Variants in VPS35L observed in about 807,000 individuals in gnomAD.
The protein encoded by VPS35L is VPS35 endosomal protein sorting factor like.
VPS35L carries 83 observed loss-of-function variants against 133.0 expected under a neutral mutation model. The ratio of observed to expected loss-of-function variants is 0.62; its 90% confidence interval spans 0.52 to 0.75. The LOEUF (loss-of-function observed/expected upper bound fraction) is 0.75. VPS35L is among the 30% of genes least tolerant of loss of function. The pLI, the probability that VPS35L is intolerant of heterozygous loss-of-function variation, is 0.00. For synonymous variants in VPS35L, 423 were observed against 449.9 expected, an observed-to-expected ratio of 0.94 and a Z score of 0.76; for missense variants, 1,083 against 1,206.8, an observed-to-expected ratio of 0.90 and a Z score of 1.52.
chr16:19,622,284 A>G (rs1746641653), intron 14 of VPS35L, among the ~76,000 whole-genome samples: 1 of 151,730 alleles, frequency 6.6e-6, no homozygotes, highest in African/African-American at 2.4e-5. Flanking sequence ...AACTGGGACT[A>G]CAGCCACGCC....
At chr16:19,640,922 A>AT (rs1973767396) in intron 21 of VPS35L, among the ~76,000 whole-genome samples, 1 of 151,710 alleles carries the variant, frequency 6.6e-6, no homozygotes, top group African/African-American at 2.4e-5. Flanking sequence ...TGATTTTTGC[A>AT]TTTTTTGTAG....
At chr16:19,611,034 G>C (rs1287319428) in intron 12 of VPS35L, among the ~76,000 whole-genome samples, 1 of 152,120 alleles carries the variant, frequency 6.6e-6, no homozygotes, top group Non-Finnish European at 1.5e-5. Context: ...GAGTCTTACT[G>C]TGTCGCCCAG....
At position 19,633,145 on chromosome 16, in the gene VPS35L, T is replaced by A. The variant is rs769742683; in HGVS notation, c.1608T>A (p.Asp536Glu). 2 of 1,614,222 alleles carry A rather than the reference T, an allele frequency of 1.2e-6. No individual in the cohort carries two copies. The highest frequency in any genetic ancestry group is 2.2e-5 in the South Asian group (2 of 91,086). ...ATGTCATCAAGCACATGACTCCAGA[T>A]CGTGCATTTGAAGATTCCTACCCCC... ...LADVIKHMTP[D>E]RAFEDSYPQL... Residue 536 changes from aspartate (D) to glutamate (E), a missense_variant, in exon 19 of 31, where the codon GAT becomes GAA. Transcript: ENST00000417362. This position sits in a 1 kb window ranked among gnomAD's most constrained non-coding sequence, Gnocchi z 4.1.
intron 27 of VPS35L, among the ~76,000 whole-genome samples, chr16:19,676,730 C>T (rs191297657): frequency 2.6e-5 from 4 of 152,208 alleles, no homozygotes; most frequent in Admixed American, 1.3e-4. Context: ...TTCATCATTC[C>T]GTCTATTCCA....
chr16:19,576,691 C>T (rs1188007753), intron 5 of VPS35L, among the ~76,000 whole-genome samples: 1 of 151,826 alleles, frequency 6.6e-6, no homozygotes, highest in African/African-American at 2.4e-5. Context: ...TGAGACAGCA[C>T]GTTAGAAATC....
chr16:19,689,913 TTTTATTTTG>T (rs2151625016), intron 28 of VPS35L, among the ~76,000 whole-genome samples: 2 of 152,240 alleles, frequency 1.3e-5, no homozygotes, highest in East Asian at 3.9e-4. Context: ...CGAAGATTTA[TTTTATTTTG>T]TTTATTTTGA....
At chr16:19,632,950 CG>C in intron 18 of VPS35L, 141 bp from the exon 19 acceptor site, 2 of 686,016 alleles carry the variant, frequency 2.9e-6, no homozygotes, top group Middle Eastern at 5.1e-4. Context: ...TCCTCCCTTC[CG>C]TTATTTTCAG....
intron 26 of VPS35L, 69 bp from the exon 27 acceptor site, chr16:19,669,091 A>G: frequency 2.6e-6 from 4 of 1,511,344 alleles, no homozygotes; most frequent in Non-Finnish European, 3.6e-6. Flanking sequence ...CCTTCAGGCC[A>G]CGTGAAGAAG....
intron 9 of VPS35L, among the ~76,000 whole-genome samples, chr16:19,607,271 A>T (rs1314391864): frequency 6.6e-6 from 1 of 152,190 alleles, no homozygotes; most frequent in African/African-American, 2.4e-5. Context: ...GGTACCAAGG[A>T]TCCTCACTTC....
chr16:19,557,335 A>G (rs1334372814), intron 1 of VPS35L, among the ~76,000 whole-genome samples: 1 of 152,168 alleles, frequency 6.6e-6, no homozygotes, highest in African/African-American at 2.4e-5. Context: ...CAGGTGCCAT[A>G]ACGCTTTTAG....
At chr16:19,650,092 C>T (rs891024177) in intron 24 of VPS35L, among the ~76,000 whole-genome samples, 4 of 152,052 alleles carry the variant, frequency 2.6e-5, no homozygotes, top group African/African-American at 7.2e-5. Flanking sequence ...TAAGTGAGCC[C>T]CAGCTATTCA....
chr16:19,683,609 T>C (rs962933316), intron 28 of VPS35L, among the ~76,000 whole-genome samples: 1 of 152,242 alleles, frequency 6.6e-6, no homozygotes, highest in East Asian at 1.9e-4. Context: ...GTTGCACCCA[T>C]GTTGCCACAA....
chr16:19,670,015 G>T (rs1318509274), intron 27 of VPS35L, among the ~76,000 whole-genome samples: 1 of 151,262 alleles, frequency 6.6e-6, no homozygotes, highest in Non-Finnish European at 1.5e-5. Flanking sequence ...ACCCAGGCTG[G>T]AGTGCAGTGG....
intron 23 of VPS35L, among the ~76,000 whole-genome samples, chr16:19,647,533 T>C (rs1973988244): frequency 6.6e-6 from 1 of 152,174 alleles, no homozygotes; most frequent in African/African-American, 2.4e-5. Context: ...TAACCACATT[T>C]ATGTTCTGTG....
intron 7 of VPS35L, among the ~76,000 whole-genome samples, chr16:19,589,628 G>A (rs1389709815): frequency 6.6e-6 from 1 of 152,188 alleles, no homozygotes; most frequent in Non-Finnish European, 1.5e-5. Flanking sequence ...TTTAAAAACT[G>A]TGGCATCTTC....
At chr16:19,667,034 G>T (rs1974716846) in intron 26 of VPS35L, among the ~76,000 whole-genome samples, 1 of 146,804 alleles carries the variant, frequency 6.8e-6, no homozygotes, top group African/African-American at 2.5e-5. Flanking sequence ...CCCAGGCTCG[G>T]CTCACTGCAA....
At chr16:19,624,288 T>A (rs1019613970) in intron 14 of VPS35L, among the ~76,000 whole-genome samples, 7 of 151,336 alleles carry the variant, frequency 4.6e-5, no homozygotes, top group African/African-American at 1.7e-4. Flanking sequence ...GCTAATTTTT[T>A]AAAAAATTTT....
At chr16:19,695,631 T>C (rs1026179518) in intron 29 of VPS35L, among the ~76,000 whole-genome samples, 2 of 151,806 alleles carry the variant, frequency 1.3e-5, no homozygotes, top group African/African-American at 4.8e-5. Flanking sequence ...CTGGGGAACA[T>C]AGTAAAACCC....
At chr16:19,580,330 T>G (rs1308113529) in intron 6 of VPS35L, among the ~76,000 whole-genome samples, 2 of 151,678 alleles carry the variant, frequency 1.3e-5, no homozygotes, top group Non-Finnish European at 2.9e-5. Context: ...CAGGCTGGTC[T>G]CAAACTCCTG....
Sources: gnomAD v4.1 joint callset for allele counts (sites outside exome capture counted in the v4.1 genomes callset) on GRCh38, gnomAD v4.1.1 for gene constraint, Gnocchi (gnomAD v3.1) non-coding constraint, MANE v1.5 for transcripts, NCBI Gene and HGNC (gene_info 2026-07-23, HGNC 2026-07-21) for gene names.